Variants in TAF2 observed in about 807,000 individuals in gnomAD.
The protein encoded by TAF2 is transcription initiation factor TFIID subunit 2.
TAF2 carries 61 observed loss-of-function variants against 138.5 expected under a neutral mutation model. The ratio of observed to expected loss-of-function variants is 0.44; its 90% confidence interval spans 0.36 to 0.54. The LOEUF is 0.54. Ranked by LOEUF, TAF2 falls within the 20% of genes least tolerant of loss-of-function variation. The probability of loss-of-function intolerance (pLI) is 0.00; values close to 1 mark genes in which losing one functional copy is unlikely to be tolerated. For missense variants in TAF2, 1,090 were observed against 1,427.9 expected (o/e 0.76, Z 3.81); for synonymous variants, 475 against 469.9 (o/e 1.01, Z -0.14).
chr8:119,791,253 A>G, intron 11 of TAF2, 71 bp downstream of exon 11: 1 of 1,571,592 alleles, frequency 6.4e-7, no homozygotes, highest in East Asian at 2.3e-5. Flanking sequence ...CCTATTCTAC[A>G]GAAACATACT....
chr8:119,827,381 T>C (rs952976162), intron 2 of TAF2, among the ~76,000 whole-genome samples: 2 of 152,326 alleles, frequency 1.3e-5, no homozygotes, highest in South Asian at 4.1e-4. Flanking sequence ...TGCACAGACA[T>C]GTAGCCAACT....
At chr8:119,734,078 C>T (rs1819057946) in intron 25 of TAF2, among the ~76,000 whole-genome samples, 1 of 152,116 alleles carries the variant, frequency 6.6e-6, no homozygotes, top group South Asian at 2.1e-4. Context: ...TCTTAAAATG[C>T]ACAAGACACC....
intron 2 of TAF2, among the ~76,000 whole-genome samples, chr8:119,823,151 T>C (rs994675154): frequency 2.0e-5 from 3 of 152,246 alleles, no homozygotes; most frequent in Admixed American, 6.5e-5. Context: ...TAAATGCCTT[T>C]AGATCTATGC....
chr8:119,750,966 A>G (rs1820311242), intron 22 of TAF2, among the ~76,000 whole-genome samples: 1 of 152,194 alleles, frequency 6.6e-6, no homozygotes, highest in African/African-American at 2.4e-5. Context: ...AATGATAAAG[A>G]GTCAAAGATA....
At chr8:119,737,674 A>G (rs1316644194) in intron 25 of TAF2, among the ~76,000 whole-genome samples, 2 of 151,670 alleles carry the variant, frequency 1.3e-5, no homozygotes, top group South Asian at 2.1e-4. Context: ...ATGCCCAGCT[A>G]ATTTTTGTAT....
Position 119,799,664 on chromosome 8 carries a change from C to G in TAF2, c.793-1818G>C, listed in dbSNP as rs563201410. ...TGATTTATAATCCTTTGGGTATATA[C>G]CCAGTAATGGGATGGCTGGGTCAAA... On this transcript the variant is annotated intron_variant, in intron 6 of 25. Coordinates refer to ENST00000378164, the MANE Select transcript of TAF2 (RefSeq NM_003184.4). Among the ~76,000 whole-genome samples the G allele has an allele frequency of 4.6e-4, 70 of 152,150 alleles. 1 individual carries two copies. Among genetic ancestry groups the G allele is most frequent in the Admixed American group, 2.0e-4 (3 of 15,266 alleles).
rs1818887175 is a variant in TAF2 at position 119,731,682 on chromosome 8, T to C, written c.*242A>G. The C allele has an allele frequency of 3.8e-6, 2 of 533,048 alleles. No homozygotes were observed. The highest frequency in any genetic ancestry group is 6.7e-6 in the Non-Finnish European group (2 of 296,726). 33.0% of individuals were successfully genotyped at this position (533,048 alleles called of 1,614,324 possible). On this transcript the variant is annotated 3_prime_UTR_variant, in exon 26 of 26. Transcript: ENST00000378164. ...TATGAAAGGGAGTTTGCTCTGTGTG[T>C]GTGTTTTGGGGAGGAAACAGCGGAT...
chr8:119,797,669 T>C lies in TAF2; in HGVS notation c.970A>G (p.Ile324Val), dbSNP rs774563468. 6.2e-6 allele frequency: 10 copies of C among 1,613,154 alleles called. No individual in the cohort carries two copies. Among genetic ancestry groups the C allele is most frequent in the Non-Finnish European group, 8.5e-6 (10 of 1,179,542 alleles). Residue 324 changes from isoleucine to valine, a missense_variant, in exon 7 of 26, where the codon ATT becomes GTT. Physicochemically the swap from Ile to Val is conservative, Grantham distance 29. This residue lies in a region of TAF2 where 504 missense variants were observed against 680.9 expected (regional missense o/e 0.74). Coordinates refer to ENST00000378164, the MANE Select transcript of TAF2 (RefSeq NM_003184.4). ...ATCTGAAGAGATACCAACCTAAAAA[T>C]GCTCATGGAAGCATAAGCAGCCACT... ...VEVAAYASMS[I>V]FSTNLLHSAM...
chr8:119,739,841 T>G (rs931391959), intron 25 of TAF2, among the ~76,000 whole-genome samples: 10 of 151,524 alleles, frequency 6.6e-5, no homozygotes, highest in South Asian at 6.3e-4. Context: ...AATCCAGAAT[T>G]GCTTTTTTTC....
At position 119,791,757 on chromosome 8, in the gene TAF2, C is replaced by G. The variant is rs537733445; in HGVS notation, c.1278-298G>C. Reference sequence around the variant, plus strand: ...ATCCATCAATACAATCAGTGCAATTCCAATCAATATCCCAACATTGAAGCA... The same window carrying G: ...ATCCATCAATACAATCAGTGCAATTGCAATCAATATCCCAACATTGAAGCA... On this transcript the variant is annotated intron_variant, in intron 10 of 25. Transcript: ENST00000378164. 25 of 255,476 alleles carry G rather than the reference C, an allele frequency of 9.8e-5. No homozygotes were observed. In the East Asian group the frequency reaches 2.0e-3, roughly 21 times the overall value. 15.8% of individuals were successfully genotyped at this position (255,476 alleles called of 1,614,324 possible).
intron 7 of TAF2, 84 bp downstream of exon 7, chr8:119,797,578 G>C (rs565926095): frequency 7.2e-7 from 1 of 1,394,548 alleles, no homozygotes; most frequent in Middle Eastern, 1.8e-4. Context: ...TTCAAAGCTC[G>C]TCTTAAAATT....
chr8:119,748,321 C>T (rs1820123065), intron 22 of TAF2, among the ~76,000 whole-genome samples: 1 of 151,546 alleles, frequency 6.6e-6, no homozygotes, highest in African/African-American at 2.4e-5. Context: ...AATAAATTAT[C>T]AACTAATAGT....
At chr8:119,823,594 TC>T (rs1298225534) in intron 2 of TAF2, among the ~76,000 whole-genome samples, 4 of 152,174 alleles carry the variant, frequency 2.6e-5, no homozygotes, top group African/African-American at 9.7e-5. Context: ...TAAACCTCTT[TC>T]CTTTGTAAAC....
At chr8:119,756,790 A>G (rs1252882950) in intron 21 of TAF2, among the ~76,000 whole-genome samples, 1 of 152,158 alleles carries the variant, frequency 6.6e-6, no homozygotes, top group Admixed American at 6.5e-5. Flanking sequence ...TCTCTAAAAT[A>G]CAGGGCAACG....
chr8:119,753,396 A>T (rs1820487922), intron 22 of TAF2, among the ~76,000 whole-genome samples: 1 of 152,232 alleles, frequency 6.6e-6, no homozygotes, highest in Non-Finnish European at 1.5e-5. Flanking sequence ...CTTGGAAAGG[A>T]AATGACAATA....
chr8:119,813,865 C>T (rs1054058790), intron 3 of TAF2, among the ~76,000 whole-genome samples: 8 of 152,130 alleles, frequency 5.3e-5, no homozygotes, highest in African/African-American at 1.9e-4. Flanking sequence ...CCTGTAATTG[C>T]AGCACTTTGG....
At chr8:119,784,146 A>C (rs1426768842) in intron 15 of TAF2, among the ~76,000 whole-genome samples, 1 of 152,234 alleles carries the variant, frequency 6.6e-6, no homozygotes, top group Admixed American at 6.6e-5. Context: ...TAAAAAATCT[A>C]GTCTATGTCG....
chr8:119,815,151 G>A (rs10101842), intron 3 of TAF2, among the ~76,000 whole-genome samples: 5,018 of 151,308 alleles, frequency 0.033, 157 homozygotes, highest in South Asian at 0.11. Context: ...GTGTGGTGGC[G>A]CATGCCTGTA....
chr8:119,816,241 T>C (rs920109437), intron 3 of TAF2, among the ~76,000 whole-genome samples: 3 of 151,290 alleles, frequency 2.0e-5, no homozygotes, highest in African/African-American at 7.3e-5. Flanking sequence ...TTTTTTTTAG[T>C]AGAGATGGGG....
Sources: gnomAD v4.1 joint callset for allele counts (sites outside exome capture counted in the v4.1 genomes callset) on GRCh38, gnomAD v4.1.1 for gene constraint, gnomAD v4.1.1 regional missense constraint, MANE v1.5 for transcripts, NCBI Gene and HGNC (gene_info 2026-07-23, HGNC 2026-07-21) for gene names.